Variants in SNX29 observed in about 807,000 individuals in gnomAD.
The protein encoded by SNX29 is sorting nexin 29, also known as sorting nexin-29.
A neutral mutation model predicts 102.1 loss-of-function variants in SNX29; 78 were observed. That is an observed-to-expected ratio of 0.76 (90% confidence interval 0.64 to 0.92). The LOEUF is 0.92. Among genes scored for constraint, SNX29 ranks in the 40% least tolerant of loss-of-function variants. The pLI is 0.00. For missense variants in SNX29, 1,280 were observed against 1,061.7 expected, an observed-to-expected ratio of 1.21 and a Z score of -2.86; for synonymous variants, 580 against 414.5, an observed-to-expected ratio of 1.40 and a Z score of -4.85.
intron 19 of SNX29, among the ~76,000 whole-genome samples, chr16:12,489,281 G>T (rs1428436924): frequency 6.8e-6 from 1 of 146,660 alleles, no homozygotes; most frequent in African/African-American, 2.6e-5. Context: ...TCTCTAACAC[G>T]CTGGAAAAAA....
At chr16:12,240,330 C>G (rs1490853286) in intron 14 of SNX29, among the ~76,000 whole-genome samples, 1 of 152,132 alleles carries the variant, frequency 6.6e-6, no homozygotes, top group African/African-American at 2.4e-5. Flanking sequence ...TATGAGTATG[C>G]CTGTCAGGCC....
At chr16:12,550,843 G>C (rs1051011247) in intron 20 of SNX29, among the ~76,000 whole-genome samples, 2 of 152,202 alleles carry the variant, frequency 1.3e-5, no homozygotes, top group African/African-American at 2.4e-5. Context: ...GATGATTTTT[G>C]AGCAGTATTT....
At chr16:12,385,068 G>A (rs561507339) in intron 16 of SNX29, among the ~76,000 whole-genome samples, 2 of 152,342 alleles carry the variant, frequency 1.3e-5, no homozygotes, top group East Asian at 3.9e-4. Flanking sequence ...TACTTGGGAG[G>A]CAGAGGCAGG....
At chr16:12,411,820 T>G (rs1019305362) in intron 18 of SNX29, among the ~76,000 whole-genome samples, 1 of 152,192 alleles carries the variant, frequency 6.6e-6, no homozygotes, top group Non-Finnish European at 1.5e-5. Flanking sequence ...TGATGACATA[T>G]GAAATGCTTG....
intron 16 of SNX29, among the ~76,000 whole-genome samples, chr16:12,386,268 A>C (rs2083337568): frequency 6.6e-6 from 1 of 152,244 alleles, no homozygotes; most frequent in South Asian, 2.1e-4. Context: ...AGATAATGAT[A>C]GCCAAGGTCA....
At chr16:12,073,383 G>A (rs547155172) in intron 10 of SNX29, among the ~76,000 whole-genome samples, 5 of 151,922 alleles carry the variant, frequency 3.3e-5, no homozygotes, top group Admixed American at 1.3e-4. Context: ...CTTTGTTCTC[G>A]TTGGTTTCAA....
intron 1 of SNX29, chr16:11,977,651 G>A (rs79018849): frequency 0.014 from 2,106 of 152,572 alleles, 18 homozygotes; most frequent in Non-Finnish European, 0.024. Context: ...CATCGAGGGG[G>A]TGGTGTTGAT....
rs536001121 is a variant in SNX29 at position 12,573,216 on chromosome 16, C to T, written c.*4587C>T. 13 of 226,980 alleles carry T rather than the reference C, an allele frequency of 5.7e-5. No individual in the cohort carries two copies. Among genetic ancestry groups the T allele is most frequent in the Middle Eastern group, 1.3e-3 (1 of 754 alleles). 14.1% of individuals were successfully genotyped at this position (226,980 alleles called of 1,614,324 possible). On this transcript the variant is annotated 3_prime_UTR_variant, in exon 21 of 21. Transcript: ENST00000566228. ...TCCCGGCTCTAGGCAGACCGGATCC[C>T]GCAGTTCATCCCATGGTTGTTGAAA...
chr16:12,211,387 C>T (rs1211848755), intron 14 of SNX29, among the ~76,000 whole-genome samples: 3 of 152,170 alleles, frequency 2.0e-5, no homozygotes, highest in Admixed American at 1.3e-4. Flanking sequence ...GTACCTGTAA[C>T]GTGCTGGGCC....
intron 4 of SNX29, among the ~76,000 whole-genome samples, chr16:12,039,894 G>A (rs2057579069): frequency 6.6e-6 from 1 of 152,194 alleles, no homozygotes; most frequent in Non-Finnish European, 1.5e-5. Flanking sequence ...CCTTGGTTGT[G>A]ATGATGTCAG....
chr16:12,501,023 C>G (rs931354781), intron 19 of SNX29, among the ~76,000 whole-genome samples: 5 of 152,106 alleles, frequency 3.3e-5, no homozygotes, highest in African/African-American at 1.2e-4. Context: ...TGCTGTGTTG[C>G]CCTCTCAGGA....
At chr16:12,070,945 G>A (rs1185844235) in intron 10 of SNX29, among the ~76,000 whole-genome samples, 2 of 152,120 alleles carry the variant, frequency 1.3e-5, no homozygotes, top group East Asian at 1.9e-4. Context: ...ATTTTTTCAT[G>A]TGTCTTTTGG....
chr16:12,572,788 CCTT>C lies in SNX29; in HGVS notation c.*4161_*4163del. ...CCGAGGAAGACCCCACCTCACTCCT[CCTT>C]CCCCAGTACATCAGACTGGTTAGGA... On this transcript the variant is annotated 3_prime_UTR_variant, in exon 21 of 21. Transcript: ENST00000566228. 9.4e-7 allele frequency: 1 copy of C among 1,063,806 alleles called. No individual in the cohort carries two copies. Among genetic ancestry groups the C allele is most frequent in the Non-Finnish European group, 1.1e-6 (1 of 878,284 alleles). 65.9% of individuals were successfully genotyped at this position (1,063,806 alleles called of 1,614,324 possible).
At chr16:12,120,802 A>G (rs1040275091) in intron 11 of SNX29, among the ~76,000 whole-genome samples, 3 of 152,254 alleles carry the variant, frequency 2.0e-5, no homozygotes, top group African/African-American at 7.2e-5. Context: ...GTTTGAGGTC[A>G]TGGTAATGAT....
chr16:12,080,778 A>T (rs1335421870), intron 11 of SNX29, among the ~76,000 whole-genome samples: 3 of 146,840 alleles, frequency 2.0e-5, no homozygotes, highest in African/African-American at 7.6e-5. Context: ...TGCAACCTCC[A>T]CCTCCTGGGT....
chr16:12,170,514 CAG>C (rs1407623404), intron 13 of SNX29, among the ~76,000 whole-genome samples: 6 of 151,620 alleles, frequency 4.0e-5, no homozygotes, highest in Admixed American at 1.3e-4. Flanking sequence ...TGTATCAGAA[CAG>C]AGAGGAAAAG....
intron 13 of SNX29, among the ~76,000 whole-genome samples, chr16:12,185,373 T>A (rs1267352440): frequency 6.6e-6 from 1 of 152,194 alleles, no homozygotes; most frequent in Non-Finnish European, 1.5e-5. Flanking sequence ...CTTGGCTTTT[T>A]CAAGAGAAAC....
chr16:12,157,717 A>G (rs560930406), intron 13 of SNX29, among the ~76,000 whole-genome samples: 17 of 152,296 alleles, frequency 1.1e-4, no homozygotes, highest in African/African-American at 3.9e-4. Flanking sequence ...CAGGAACTGA[A>G]TTCCTGTCCC....
In SNX29 at chr16:12,572,720, G is replaced by A. The variant is rs1038829176; in HGVS notation, c.*4091G>A. 4 of 1,063,992 alleles carry A rather than the reference G, an allele frequency of 3.8e-6. No homozygotes were observed. The highest frequency in any genetic ancestry group is 4.6e-5 in the South Asian group (1 of 21,972). 65.9% of individuals were successfully genotyped at this position (1,063,992 alleles called of 1,614,324 possible). On this transcript the variant is annotated 3_prime_UTR_variant, in exon 21 of 21. Transcript: ENST00000566228. ...AGCAGCATCTTCCAGCCTTGGCACAGAACTGATGGCAAAGGAAGGGCTGGG... is the reference window on the plus strand; with the variant it reads ...AGCAGCATCTTCCAGCCTTGGCACAAAACTGATGGCAAAGGAAGGGCTGGG...
Sources: gnomAD v4.1 joint callset for allele counts (sites outside exome capture counted in the v4.1 genomes callset) on GRCh38, gnomAD v4.1.1 for gene constraint, MANE v1.5 for transcripts, NCBI Gene and HGNC (gene_info 2026-07-23, HGNC 2026-07-21) for gene names.